The following KLHL29 variants were observed in gnomAD, a reference collection of about 807,000 sequenced individuals.
KLHL29 encodes kelch like family member 29.
A neutral mutation model predicts 80.4 loss-of-function variants in KLHL29; 21 were observed. The ratio of observed to expected loss-of-function variants is 0.26; its 90% CI spans 0.19 to 0.38. The LOEUF (loss-of-function observed/expected upper bound fraction) is 0.38, where lower values mean the gene tolerates loss of function less well. Among genes scored for constraint, KLHL29 ranks in the 10% least tolerant of loss-of-function variants. The pLI is 1.00. For synonymous variants in KLHL29, 511 were observed against 526.8 expected (o/e 0.97, Z 0.41); for missense variants, 867 against 1,223.9 (o/e 0.71, Z 4.35).
chr2:23,395,920 A>G (rs950681756), intron 1 of KLHL29, among the ~76,000 whole-genome samples: 2 of 152,194 alleles, frequency 1.3e-5, no homozygotes, highest in Non-Finnish European at 2.9e-5. Context: ...TAATCATGCA[A>G]GGTAGGACCA....
intron 1 of KLHL29, among the ~76,000 whole-genome samples, chr2:23,400,833 C>CT (rs1209795727): frequency 6.6e-6 from 1 of 152,186 alleles, no homozygotes; most frequent in African/African-American, 2.4e-5. Flanking sequence ...GATCTTGTCT[C>CT]TAAGTGGTAT....
intron 3 of KLHL29, among the ~76,000 whole-genome samples, chr2:23,619,298 G>A (rs554595061): frequency 6.5e-4 from 99 of 152,176 alleles, no homozygotes; most frequent in Non-Finnish European, 1.2e-3. Context: ...GATCGAGAGC[G>A]GGCTTCTCCT....
chr2:23,441,366 T>G (rs1663516209), intron 1 of KLHL29, among the ~76,000 whole-genome samples: 2 of 150,430 alleles, frequency 1.3e-5, no homozygotes, highest in South Asian at 4.3e-4. Context: ...CATTAGGAGA[T>G]ATACTTAATG....
At chr2:23,565,860 G>C (rs1248243832) in intron 3 of KLHL29, among the ~76,000 whole-genome samples, 2 of 152,248 alleles carry the variant, frequency 1.3e-5, no homozygotes, top group Non-Finnish European at 2.9e-5. Context: ...TGGGGGACTA[G>C]TGTCAGTACT....
intron 3 of KLHL29, among the ~76,000 whole-genome samples, chr2:23,632,400 C>T (rs1275792761): frequency 1.3e-5 from 2 of 152,272 alleles, no homozygotes; most frequent in African/African-American, 2.4e-5. Flanking sequence ...TCCCCAACAC[C>T]CTGGTCTGAA....
chr2:23,553,547 C>A (rs994815431), intron 2 of KLHL29, among the ~76,000 whole-genome samples: 1 of 152,138 alleles, frequency 6.6e-6, no homozygotes. Context: ...TTGGAGGTGC[C>A]GAACACCTCA....
chr2:23,460,135 A>G (rs1052726126), intron 1 of KLHL29, among the ~76,000 whole-genome samples: 7 of 152,250 alleles, frequency 4.6e-5, no homozygotes, highest in Non-Finnish European at 7.3e-5. Context: ...CAACATGCCT[A>G]TCTCAACCTT....
At chr2:23,435,674 A>G (rs990798375) in intron 1 of KLHL29, among the ~76,000 whole-genome samples, 3 of 152,214 alleles carry the variant, frequency 2.0e-5, no homozygotes, top group African/African-American at 7.2e-5. Flanking sequence ...AAAGCTTTCT[A>G]AATAGTGACC....
chr2:23,495,061 T>G (rs903064992), intron 2 of KLHL29, among the ~76,000 whole-genome samples: 1 of 152,212 alleles, frequency 6.6e-6, no homozygotes, highest in Non-Finnish European at 1.5e-5. Flanking sequence ...ATTTTATTTA[T>G]TTTTTGGAGA....
At chr2:23,387,915 C>T (rs1292764492) in intron 1 of KLHL29, among the ~76,000 whole-genome samples, 1 of 152,158 alleles carries the variant, frequency 6.6e-6, no homozygotes, top group Non-Finnish European at 1.5e-5. Context: ...TCTGCACAAA[C>T]ATCTTATAAA....
intron 1 of KLHL29, among the ~76,000 whole-genome samples, chr2:23,460,427 A>G (rs1052769222): frequency 6.6e-6 from 1 of 152,048 alleles, no homozygotes; most frequent in Non-Finnish European, 1.5e-5. Flanking sequence ...TGTAGGGGGG[A>G]AGGGATGCTA....
At chr2:23,536,851 TG>T (rs1398001881) in intron 2 of KLHL29, among the ~76,000 whole-genome samples, 1 of 151,916 alleles carries the variant, frequency 6.6e-6, no homozygotes, top group Admixed American at 6.6e-5. Flanking sequence ...GACAAACTTC[TG>T]GTTCCCTTCC....
chr2:23,436,640 C>T (rs539536184), intron 1 of KLHL29, among the ~76,000 whole-genome samples: 71 of 152,294 alleles, frequency 4.7e-4, no homozygotes, highest in Admixed American at 8.5e-4. Flanking sequence ...AAGAGGAGCC[C>T]TGACGATTCT....
At chr2:23,628,930 G>A (rs1040915177) in intron 3 of KLHL29, among the ~76,000 whole-genome samples, 3 of 152,210 alleles carry the variant, frequency 2.0e-5, no homozygotes, top group African/African-American at 7.2e-5. Context: ...CCGGCAGTTG[G>A]AAAATGTCCT....
intron 3 of KLHL29, among the ~76,000 whole-genome samples, chr2:23,634,173 G>C (rs1053645712): frequency 6.6e-6 from 1 of 152,168 alleles, no homozygotes; most frequent in African/African-American, 2.4e-5. Context: ...AGTGATGCTT[G>C]GCAGAAGGCA....
At chr2:23,515,696 C>T (rs1354495262) in intron 2 of KLHL29, among the ~76,000 whole-genome samples, 4 of 152,198 alleles carry the variant, frequency 2.6e-5, no homozygotes, top group African/African-American at 7.2e-5. Flanking sequence ...GGAACTGGCA[C>T]GAATGCTCAA....
chr2:23,707,605 A>T lies in KLHL29; in HGVS notation c.*941A>T, dbSNP rs547582260. ...AGCCCCATAAAAGCTGTGCCCAAGG[A>T]AGAAGAGTCTGCTCTAGAAGGAGCC... On this transcript the variant is annotated 3_prime_UTR_variant, in exon 14 of 14. Transcript: ENST00000486442. 2.6e-5 allele frequency: 4 copies of T among 152,372 alleles called. No homozygotes were observed. Among genetic ancestry groups the T allele is most frequent in the African/African-American group, 9.6e-5 (4 of 41,564 alleles). The allele number at this position is 152,372 out of a possible 1,614,324, so 9.4% of individuals were successfully genotyped here. A position where few individuals can be genotyped will look rare whatever the true frequency, so the allele number is the denominator to read the frequency against.
At chr2:23,458,862 T>C (rs1664134758) in intron 1 of KLHL29, among the ~76,000 whole-genome samples, 1 of 152,214 alleles carries the variant, frequency 6.6e-6, no homozygotes. Context: ...GGAGCCATGC[T>C]GTGCCTCCAG....
At chr2:23,474,845 T>C (rs1250371538) in intron 1 of KLHL29, among the ~76,000 whole-genome samples, 1 of 152,140 alleles carries the variant, frequency 6.6e-6, no homozygotes, top group Admixed American at 6.5e-5. Context: ...TAAAAAAATA[T>C]ATTGATTCCC....
Sources: allele counts gnomAD v4.1 joint callset (sites outside exome capture counted in the v4.1 genomes callset), GRCh38; gene constraint gnomAD v4.1.1; transcripts MANE v1.5; gene names NCBI Gene and HGNC (gene_info 2026-07-23, HGNC 2026-07-21).